The following ATRNL1 variants were observed in gnomAD, a reference collection of about 807,000 sequenced individuals.
ATRNL1 encodes the protein attractin-like protein 1.
ATRNL1 carries 95 observed loss-of-function variants against 182.7 expected under a neutral mutation model. The ratio of observed to expected loss-of-function variants is 0.52; its 90% CI spans 0.44 to 0.62. The LOEUF (loss-of-function observed/expected upper bound fraction) is 0.62, where lower values mean the gene tolerates loss of function less well. ATRNL1 is among the 20% of genes least tolerant of loss of function. The probability of loss-of-function intolerance (pLI) is 0.00; values close to 1 mark genes in which losing one functional copy is unlikely to be tolerated. For missense variants in ATRNL1, 1,471 were observed against 1,679.5 expected, an observed-to-expected ratio of 0.88 and a Z score of 2.17; for synonymous variants, 576 against 568.3, an observed-to-expected ratio of 1.01 and a Z score of -0.19.
At chr10:115,500,920 C>CTTTTT (rs71010023) in intron 24 of ATRNL1, among the ~76,000 whole-genome samples, 27 of 54,462 alleles carry the variant, frequency 5.0e-4, no homozygotes, top group African/African-American at 5.6e-4. Context: ...TCAGGTAAGA[C>CTTTTT]TTTTTTTTTT....
At chr10:115,742,763 TC>T (rs1555067995) in intron 27 of ATRNL1, among the ~76,000 whole-genome samples, 1 of 152,174 alleles carries the variant, frequency 6.6e-6, no homozygotes, top group Admixed American at 6.6e-5. Context: ...CAGGCAGTTT[TC>T]CACATTGCTA....
chr10:115,490,989 C>T (rs766699791), intron 24 of ATRNL1, among the ~76,000 whole-genome samples: 2 of 152,302 alleles, frequency 1.3e-5, no homozygotes, highest in Non-Finnish European at 2.9e-5. Flanking sequence ...AGTCAGGCCC[C>T]TCTGCTGCAG....
chr10:115,871,467 C>CCATATATATATA lies in ATRNL1; in HGVS notation c.4018+23476_4018+23477insCATATATATATA, dbSNP rs1951578505. Among the ~76,000 whole-genome samples, 5 of 16,544 alleles carry CCATATATATATA rather than the reference C, an allele frequency of 3.0e-4. 1 individual carries two copies. Among genetic ancestry groups the CCATATATATATA allele is most frequent in the African/African-American group, 4.3e-4 (5 of 11,594 alleles). The allele number at this position is 16,544 out of a possible 152,430, so 10.9% of individuals were successfully genotyped here. On this transcript the variant is annotated intron_variant, in intron 28 of 28. Transcript: ENST00000355044. ...GGTCCTAGAAAGGCCTGGTCAGATT[C>CCATATATATATA]TTTGTGTGTGTGTATATATATATAT...
At chr10:115,414,023 T>TAC (rs1845269966) in intron 20 of ATRNL1, among the ~76,000 whole-genome samples, 1 of 151,858 alleles carries the variant, frequency 6.6e-6, no homozygotes, top group Non-Finnish European at 1.5e-5. Context: ...CCAATTCGGA[T>TAC]CTATTTCTGC....
intron 26 of ATRNL1, among the ~76,000 whole-genome samples, chr10:115,695,880 A>G (rs1326368245): frequency 6.6e-6 from 1 of 151,754 alleles, no homozygotes; most frequent in Non-Finnish European, 1.5e-5. Context: ...ATGGTATTCC[A>G]TGGTGTATAT....
chr10:115,258,127 T>A (rs1428976433), intron 10 of ATRNL1, among the ~76,000 whole-genome samples: 5 of 152,182 alleles, frequency 3.3e-5, no homozygotes, highest in African/African-American at 1.2e-4. Context: ...TGGTGTTCTC[T>A]GTATTTCCTG....
At chr10:115,728,277 A>T (rs1593132866) in intron 27 of ATRNL1, among the ~76,000 whole-genome samples, 1 of 137,176 alleles carries the variant, frequency 7.3e-6, no homozygotes, top group African/African-American at 2.7e-5. Context: ...CCTGGGCGAC[A>T]GACAGAGTGG....
rs146069051 is a variant in ATRNL1, at chr10:115,762,612, G to A, written c.3903+35257G>A. ...TATCTAGATTGTAACATGATTTGGG[G>A]AGAAAGGGTACATTTACATCCCACC... is the stretch of plus-strand genomic sequence containing the variant. On this transcript the variant is annotated intron_variant, in intron 27 of 28. Transcript: ENST00000355044. Among the ~76,000 whole-genome samples the A allele has an allele frequency of 7.9e-3, 1,209 of 152,150 alleles. 17 individuals are homozygous for A. Among genetic ancestry groups the A allele is most frequent in the African/African-American group, 0.028 (1,161 of 41,522 alleles).
chr10:115,845,579 AG>A (rs1455645040), intron 27 of ATRNL1, among the ~76,000 whole-genome samples: 3 of 152,100 alleles, frequency 2.0e-5, no homozygotes, highest in African/African-American at 7.2e-5. Flanking sequence ...CCTGGCAAAA[AG>A]ATCAAATTGA....
intron 26 of ATRNL1, among the ~76,000 whole-genome samples, chr10:115,717,654 C>T (rs1947299122): frequency 6.8e-6 from 1 of 147,628 alleles, no homozygotes; most frequent in South Asian, 2.1e-4. Flanking sequence ...CGGGTTAAAG[C>T]GATTGTCCTC....
At chr10:115,549,188 C>T (rs894791696) in intron 25 of ATRNL1, among the ~76,000 whole-genome samples, 14 of 151,736 alleles carry the variant, frequency 9.2e-5, no homozygotes, top group African/African-American at 3.1e-4. Flanking sequence ...TTCATAAGAC[C>T]AATGTAATTA....
intron 28 of ATRNL1, among the ~76,000 whole-genome samples, chr10:115,931,483 C>T (rs1192012650): frequency 6.6e-6 from 1 of 152,168 alleles, no homozygotes; most frequent in Admixed American, 6.5e-5. Context: ...GAACTGGCCC[C>T]TTGCCCAGAC....
intron 28 of ATRNL1, among the ~76,000 whole-genome samples, chr10:115,919,756 C>T (rs1042388071): frequency 1.8e-4 from 28 of 152,110 alleles, no homozygotes; most frequent in African/African-American, 4.8e-4. Context: ...GAGGCTGAGG[C>T]TTCGAAGATC....
chr10:115,495,589 C>T (rs1177907986), intron 24 of ATRNL1, among the ~76,000 whole-genome samples: 5 of 152,078 alleles, frequency 3.3e-5, no homozygotes, highest in Non-Finnish European at 4.4e-5. Context: ...CGAAGTCATT[C>T]AGGAGTAGGC....
chr10:115,429,836 A>G (rs1453829382), intron 21 of ATRNL1, among the ~76,000 whole-genome samples: 1 of 152,054 alleles, frequency 6.6e-6, no homozygotes, highest in Non-Finnish European at 1.5e-5. Flanking sequence ...GGGAGGCCAC[A>G]AAGGGCGAAT....
intron 5 of ATRNL1, among the ~76,000 whole-genome samples, chr10:115,140,860 C>G (rs1592156630): frequency 6.6e-6 from 1 of 152,230 alleles, no homozygotes; most frequent in Admixed American, 6.5e-5. Context: ...TTTAAAGTCA[C>G]ACTTTATTGT....
In ATRNL1 at chr10:115,736,921, C is replaced by T. The variant is rs529142401; in HGVS notation, c.3903+9566C>T. Among the ~76,000 whole-genome samples the T allele has an allele frequency of 5.9e-5, 9 of 152,174 alleles. No individual in the cohort carries two copies. In the South Asian group the frequency reaches 1.9e-3, roughly 32 times the overall value. ...TAGCTGGGACTACAGGTGTGTGCCT[C>T]CATGCCTGGCTAATTTTTGTATTTT... On this transcript the variant is annotated intron_variant, in intron 27 of 28. Coordinates refer to ENST00000355044, the MANE Select transcript of ATRNL1 (RefSeq NM_207303.4).
intron 6 of ATRNL1, among the ~76,000 whole-genome samples, chr10:115,162,650 C>T (rs541153582): frequency 6.7e-5 from 10 of 149,212 alleles, no homozygotes; most frequent in South Asian, 4.4e-4. Context: ...AGATTAGAAA[C>T]GGGATTTGAG....
intron 3 of ATRNL1, among the ~76,000 whole-genome samples, chr10:115,122,271 G>A (rs1294027853): frequency 6.6e-6 from 1 of 151,688 alleles, no homozygotes; most frequent in Non-Finnish European, 1.5e-5. Context: ...TCTACCAATT[G>A]TCAAAATGTG....
Sources: allele counts gnomAD v4.1 joint callset (sites outside exome capture counted in the v4.1 genomes callset), GRCh38; gene constraint gnomAD v4.1.1; transcripts MANE v1.5; gene names NCBI Gene and HGNC (gene_info 2026-07-23, HGNC 2026-07-21).